The following DOCK1 variants were observed in gnomAD, a reference collection of about 807,000 sequenced individuals.
DOCK1 encodes dedicator of cytokinesis 1.
DOCK1 carries 138 observed loss-of-function variants against 262.7 expected under a neutral mutation model. The ratio of observed to expected loss-of-function variants is 0.53; its 90% CI spans 0.46 to 0.61. The LOEUF (loss-of-function observed/expected upper bound fraction) is 0.61, where lower values mean the gene tolerates loss of function less well. DOCK1 is among the 20% of genes least tolerant of loss of function. DOCK1 has a pLI of 0.00. For missense variants in DOCK1, 1,908 were observed against 2,370.7 expected (o/e 0.80, Z 4.05); for synonymous variants, 866 against 867.4 (o/e 1.00, Z 0.03).
chr10:127,446,693 TTAATA>T lies in DOCK1; in HGVS notation c.5414-697_5414-693del, dbSNP rs1170718566. Among the ~76,000 whole-genome samples the T allele has an allele frequency of 1.3e-5, 2 of 152,168 alleles. No individual in the cohort carries two copies. The highest frequency in any genetic ancestry group is 2.9e-5 in the Non-Finnish European group (2 of 68,032). ...AGTAAAAATGTCCATTTTTCTCTCT[TTAATA>T]TAAAAGAAAACAAATTATCTTTAAG... is the stretch of plus-strand genomic sequence containing the variant. On this transcript the variant is annotated intron_variant, in intron 50 of 51. Coordinates refer to ENST00000623213, the MANE Select transcript of DOCK1 (RefSeq NM_001290223.2). The surrounding 1 kb of genome is among the most constrained non-coding windows in gnomAD (Gnocchi z 4.4).
At chr10:126,993,061 C>T (rs1213230787) in intron 6 of DOCK1, among the ~76,000 whole-genome samples, 1 of 152,226 alleles carries the variant, frequency 6.6e-6, no homozygotes, top group African/African-American at 2.4e-5. Context: ...TTGGAGAGTT[C>T]TGATACAGAA....
intron 27 of DOCK1, among the ~76,000 whole-genome samples, chr10:127,224,212 T>C (rs1470713125): frequency 2.0e-5 from 3 of 152,196 alleles, no homozygotes; most frequent in Admixed American, 6.5e-5. Flanking sequence ...GATTTAATTA[T>C]ATCCAGAGAT....
chr10:127,017,850 G>A (rs2042125599), intron 12 of DOCK1, among the ~76,000 whole-genome samples: 1 of 152,140 alleles, frequency 6.6e-6, no homozygotes, highest in African/African-American at 2.4e-5. Context: ...TGCCTGCCCC[G>A]CCTTTGACTT....
chr10:127,321,398 G>C, intron 29 of DOCK1, among the ~76,000 whole-genome samples: 1 of 139,004 alleles, frequency 7.2e-6, no homozygotes, highest in East Asian at 2.2e-4. Flanking sequence ...AGAAATACTG[G>C]CATTCTCCAA....
chr10:127,010,364 G>A (rs552387972), intron 11 of DOCK1, among the ~76,000 whole-genome samples: 1 of 152,320 alleles, frequency 6.6e-6, no homozygotes, highest in Admixed American at 6.5e-5. Flanking sequence ...CTACTTGGGA[G>A]GCTGAGGCAG....
chr10:126,939,532 C>G (rs878887419), intron 1 of DOCK1, among the ~76,000 whole-genome samples: 1 of 151,458 alleles, frequency 6.6e-6, no homozygotes, highest in African/African-American at 2.4e-5. Flanking sequence ...TTTACTTTAA[C>G]TTAAAGTTAT....
At chr10:127,134,103 A>G (rs373022014) in intron 27 of DOCK1, among the ~76,000 whole-genome samples, 3 of 152,264 alleles carry the variant, frequency 2.0e-5, no homozygotes, top group African/African-American at 7.2e-5. Context: ...ACACCATGAC[A>G]TAGAAAAGTT....
intron 33 of DOCK1, among the ~76,000 whole-genome samples, chr10:127,362,885 C>A (rs56082053): frequency 3.1e-3 from 34 of 10,916 alleles, no homozygotes; most frequent in African/African-American, 0.013. Flanking sequence ...ATACACATCC[C>A]CACACACACA....
rs1467671398 is a variant in DOCK1, at chr10:127,023,238, G to C, written c.1366G>C (p.Gly456Arg). Reference sequence around the variant, plus strand: ...TGATATCTATGTAACATTAGTTCAAGGAGATTTTGATAAAGGAAGCAAAAC... The same window carrying C: ...TGATATCTATGTAACATTAGTTCAACGAGATTTTGATAAAGGAAGCAAAAC... ...RNDIYVTLVQGDFDKGSKTTA... is the reference protein window; with the variant it reads ...RNDIYVTLVQRDFDKGSKTTA... Residue 456 changes from glycine (G) to arginine (R), a missense_variant, in exon 14 of 52, where the codon GGA becomes CGA. By Grantham distance (125) the Gly-to-Arg change is moderately radical. Coordinates refer to ENST00000623213, the MANE Select transcript of DOCK1 (RefSeq NM_001290223.2). The C allele has an allele frequency of 6.2e-7, 1 of 1,613,942 alleles. No homozygotes were observed.
chr10:127,185,716 G>C (rs1332436284), intron 27 of DOCK1, among the ~76,000 whole-genome samples: 1 of 152,180 alleles, frequency 6.6e-6, no homozygotes, highest in Non-Finnish European at 1.5e-5. Context: ...GTTCGTTGAG[G>C]TAAAACCATA....
At chr10:126,928,679 G>A (rs2134165619) in intron 1 of DOCK1, among the ~76,000 whole-genome samples, 1 of 152,348 alleles carries the variant, frequency 6.6e-6, no homozygotes, top group East Asian at 1.9e-4. Context: ...TGATGTCCTT[G>A]TTAAGAAGAG....
intron 29 of DOCK1, among the ~76,000 whole-genome samples, chr10:127,305,825 C>T (rs560407412): frequency 3.9e-5 from 6 of 152,266 alleles, no homozygotes; most frequent in South Asian, 4.1e-4. Context: ...AGTAGTTTTT[C>T]GTTTTGTTTT....
chr10:127,429,000 GGGA>G (rs1481054072), intron 47 of DOCK1, among the ~76,000 whole-genome samples: 5 of 135,476 alleles, frequency 3.7e-5, no homozygotes, highest in Admixed American at 7.6e-5. Flanking sequence ...CGTGTGGATT[GGGA>G]TGCCGTGTGG....
intron 27 of DOCK1, among the ~76,000 whole-genome samples, chr10:127,180,610 A>G (rs1481629134): frequency 6.6e-6 from 1 of 152,226 alleles, no homozygotes; most frequent in Non-Finnish European, 1.5e-5. Context: ...TTTTTAGATT[A>G]GTGACGGAGA....
At chr10:127,397,677 G>A (rs1344411815) in intron 38 of DOCK1, among the ~76,000 whole-genome samples, 1 of 151,800 alleles carries the variant, frequency 6.6e-6, no homozygotes, top group Non-Finnish European at 1.5e-5. Context: ...AGCGTCTCCT[G>A]CATGACACAG....
At chr10:127,396,696 C>T (rs1376000310) in intron 38 of DOCK1, among the ~76,000 whole-genome samples, 1 of 139,650 alleles carries the variant, frequency 7.2e-6, no homozygotes, top group Non-Finnish European at 1.5e-5. Flanking sequence ...TTTTCAAGGT[C>T]TTTCTTTGCA....
chr10:127,167,740 T>C (rs1286201439), intron 27 of DOCK1, among the ~76,000 whole-genome samples: 4 of 152,048 alleles, frequency 2.6e-5, no homozygotes, highest in Admixed American at 6.6e-5. Flanking sequence ...TGACACCAAA[T>C]GAACTGGTCC....
At position 126,905,492 on chromosome 10, in the gene DOCK1, C is replaced by T. The variant is rs952221230; in HGVS notation, c.-26C>T. 4 of 531,006 alleles carry T rather than the reference C, an allele frequency of 7.5e-6. No individual in the cohort carries two copies. In the Admixed American group the frequency reaches 1.2e-4, roughly 16 times the overall value. The allele number at this position is 531,006 out of a possible 1,614,324, so 32.9% of individuals were successfully genotyped here. A position where few individuals can be genotyped will look rare whatever the true frequency, so the allele number is the denominator to read the frequency against. On this transcript the variant is annotated 5_prime_UTR_variant, in exon 1 of 52. An upstream open reading frame in the 5' UTR gains an earlier in-frame stop. Coordinates refer to ENST00000623213, the MANE Select transcript of DOCK1 (RefSeq NM_001290223.2). ...CGGCCTAGACGCGGAGTTTCCTGCC[C>T]GACCCGCGGCGGCTCCGGCGGCGCC...
intron 5 of DOCK1, among the ~76,000 whole-genome samples, chr10:126,989,981 G>C (rs554638098): frequency 6.6e-6 from 1 of 152,146 alleles, no homozygotes; most frequent in South Asian, 2.1e-4. Context: ...AGCTGAGAGC[G>C]AGGCCGAGGA....
Sources: gnomAD v4.1 joint callset for allele counts (sites outside exome capture counted in the v4.1 genomes callset) on GRCh38, gnomAD v4.1.1 for gene constraint, Gnocchi (gnomAD v3.1) non-coding constraint, MANE v1.5 for transcripts, NCBI Gene and HGNC (gene_info 2026-07-23, HGNC 2026-07-21) for gene names.